CDKAL1: variants seen among roughly 807,000 people sequenced by gnomAD.
The protein encoded by CDKAL1 is CDKAL1 threonylcarbamoyladenosine tRNA methylthiotransferase.
In CDKAL1, 32 loss-of-function variants were observed where a neutral mutation model predicts 68.2. The ratio of observed to expected loss-of-function variants is 0.47; its 90% CI spans 0.35 to 0.63. CDKAL1 has a LOEUF of 0.63. Ranked by LOEUF, CDKAL1 falls within the 30% of genes least tolerant of loss-of-function variation. The probability of loss-of-function intolerance (pLI) is 0.00; values close to 1 mark genes in which losing one functional copy is unlikely to be tolerated. For missense variants in CDKAL1, 606 were observed against 696.7 expected, an observed-to-expected ratio of 0.87 and a Z score of 1.47; for synonymous variants, 234 against 244.3, an observed-to-expected ratio of 0.96 and a Z score of 0.39.
intron 15 of CDKAL1, among the ~76,000 whole-genome samples, chr6:21,211,079 A>C (rs187515860): frequency 4.6e-5 from 7 of 152,344 alleles, no homozygotes; most frequent in Admixed American, 3.3e-4. Context: ...ATCTGTAGTC[A>C]TGGGGAACTG....
chr6:20,840,228 T>C (rs185571370), intron 8 of CDKAL1, among the ~76,000 whole-genome samples: 1 of 152,322 alleles, frequency 6.6e-6, no homozygotes, highest in East Asian at 1.9e-4. Context: ...AATGCATAAC[T>C]GAGTTTCTGG....
chr6:21,073,120 C>T (rs1048203250), intron 12 of CDKAL1, among the ~76,000 whole-genome samples: 19 of 152,200 alleles, frequency 1.2e-4, no homozygotes, highest in Admixed American at 1.0e-3. Flanking sequence ...TAGTAATATA[C>T]ATTTAAGATT....
intron 13 of CDKAL1, among the ~76,000 whole-genome samples, chr6:21,145,998 A>C (rs575386569): frequency 1.3e-5 from 2 of 152,372 alleles, no homozygotes; most frequent in East Asian, 3.9e-4. Flanking sequence ...TAAAGGTTCT[A>C]GTGGACTAGA....
At chr6:21,082,874 G>C (rs372178984) in intron 12 of CDKAL1, among the ~76,000 whole-genome samples, 1 of 129,172 alleles carries the variant, frequency 7.7e-6, no homozygotes, top group East Asian at 2.2e-4. Flanking sequence ...TGTTTCTTTT[G>C]TTTTTTTTTT....
intron 9 of CDKAL1, among the ~76,000 whole-genome samples, chr6:20,897,575 T>G (rs1761760376): frequency 6.6e-6 from 1 of 152,114 alleles, no homozygotes; most frequent in Non-Finnish European, 1.5e-5. Context: ...TAGCTCTAAT[T>G]TTGTATCTTT....
At chr6:20,714,005 G>C (rs922472007) in intron 5 of CDKAL1, among the ~76,000 whole-genome samples, 10 of 151,976 alleles carry the variant, frequency 6.6e-5, no homozygotes, top group African/African-American at 2.4e-4. Flanking sequence ...CAAGCAAAAT[G>C]ATTTCTTATG....
At chr6:20,988,347 G>C (rs568132877) in intron 10 of CDKAL1, among the ~76,000 whole-genome samples, 17 of 151,962 alleles carry the variant, frequency 1.1e-4, no homozygotes, top group Admixed American at 7.2e-4. Context: ...ATGCTAATCT[G>C]TTCTGGAAAT....
At chr6:21,069,031 C>T (rs1450285639) in intron 12 of CDKAL1, among the ~76,000 whole-genome samples, 5 of 151,886 alleles carry the variant, frequency 3.3e-5, no homozygotes, top group Non-Finnish European at 7.4e-5. Context: ...TTTATTTTGC[C>T]CAACTAATTC....
At chr6:20,968,329 CTGTATTTTT>C (rs1346601141) in intron 10 of CDKAL1, among the ~76,000 whole-genome samples, 2 of 151,364 alleles carry the variant, frequency 1.3e-5, no homozygotes, top group African/African-American at 4.9e-5. Context: ...CAGCTAGTTT[CTGTATTTTT>C]TATAGAGACA....
At position 20,728,579 on chromosome 6, in the gene CDKAL1, A is replaced by G. The variant is rs573633279; in HGVS notation, c.372-10940A>G. Among the ~76,000 whole-genome samples the G allele has an allele frequency of 3.9e-5, 6 of 152,314 alleles. No homozygotes were observed. The East Asian group carries it at 9.6e-4, about 24-fold the overall frequency. ...CTTAGGGCATTATTATATTGAAGCA[A>G]AGGACAGTGATAGATGATTTCCAGT... On this transcript the variant is annotated intron_variant, in intron 5 of 15. Transcript: ENST00000274695.
At chr6:21,000,999 T>A (rs1415230562) in intron 11 of CDKAL1, among the ~76,000 whole-genome samples, 1 of 152,234 alleles carries the variant, frequency 6.6e-6, no homozygotes, top group Admixed American at 6.5e-5. Flanking sequence ...ATTATGTTCT[T>A]CAAAACCCTG....
At chr6:20,674,133 A>G (rs931625123) in intron 5 of CDKAL1, among the ~76,000 whole-genome samples, 1 of 152,020 alleles carries the variant, frequency 6.6e-6, no homozygotes, top group African/African-American at 2.4e-5. Context: ...AATTTTTATC[A>G]TTCATTTTTT....
chr6:20,610,736 C>CA (rs199955756), intron 4 of CDKAL1, among the ~76,000 whole-genome samples: 4,004 of 152,204 alleles, frequency 0.026, 163 homozygotes, highest in African/African-American at 0.089. Flanking sequence ...ACAATGGCAA[C>CA]AAAATTCTAC....
intron 10 of CDKAL1, among the ~76,000 whole-genome samples, chr6:20,994,398 G>C (rs964375501): frequency 4.6e-5 from 7 of 152,326 alleles, no homozygotes; most frequent in Non-Finnish European, 8.8e-5. Context: ...AGAATCACTT[G>C]AACCCAGGAG....
At chr6:20,750,242 AT>A (rs1269976090) in intron 6 of CDKAL1, among the ~76,000 whole-genome samples, 1 of 151,900 alleles carries the variant, frequency 6.6e-6, no homozygotes, top group Non-Finnish European at 1.5e-5. Flanking sequence ...CACATGGCTA[AT>A]TTTTTGTTTC....
chr6:21,108,361 T>C, intron 12 of CDKAL1, 40 bp from the exon 13 acceptor site: 1 of 1,390,214 alleles, frequency 7.2e-7, no homozygotes, highest in South Asian at 1.2e-5. Flanking sequence ...ACTCAATTGT[T>C]TGTATGTTGG....
chr6:20,926,210 T>C (rs949366511), intron 9 of CDKAL1, among the ~76,000 whole-genome samples: 3 of 152,112 alleles, frequency 2.0e-5, no homozygotes, highest in African/African-American at 7.2e-5. Context: ...AACTATATGG[T>C]ATGTTGAACT....
chr6:20,716,445 T>C (rs1304329637), intron 5 of CDKAL1, among the ~76,000 whole-genome samples: 1 of 152,150 alleles, frequency 6.6e-6, no homozygotes, highest in Non-Finnish European at 1.5e-5. Flanking sequence ...AGAGATGATG[T>C]GGCTTGGATG....
At position 21,115,520 on chromosome 6, in the gene CDKAL1, G is replaced by A. The variant is rs143846662; in HGVS notation, c.1299+7057G>A. On this transcript the variant is annotated intron_variant, in intron 13 of 15. Coordinates refer to ENST00000274695, the MANE Select transcript of CDKAL1 (RefSeq NM_017774.3). Reference sequence around the variant, plus strand: ...TATTGATTTGGCATGTTTATGCCATGCTTAAAACAGTTCTCTGCAGCAGAT... The same window carrying A: ...TATTGATTTGGCATGTTTATGCCATACTTAAAACAGTTCTCTGCAGCAGAT... 5.4e-4 allele frequency among the ~76,000 whole-genome samples: 83 copies of A among 152,330 alleles called. 1 individual carries two copies. The highest frequency in any genetic ancestry group is 3.4e-3 in the Middle Eastern group (1 of 294).
Sources: gnomAD v4.1 joint callset for allele counts (sites outside exome capture counted in the v4.1 genomes callset) on GRCh38, gnomAD v4.1.1 for gene constraint, MANE v1.5 for transcripts, NCBI Gene and HGNC (gene_info 2026-07-23, HGNC 2026-07-21) for gene names.